Variants in RFTN1 observed in about 807,000 individuals in gnomAD.
RFTN1 encodes raftlin.
In RFTN1, 26 loss-of-function variants were observed where a neutral mutation model predicts 46.5. The observed-to-expected ratio is 0.56, with a 90% CI of 0.41 to 0.78. The LOEUF (loss-of-function observed/expected upper bound fraction) is 0.78. Ranked by LOEUF, RFTN1 falls within the 30% of genes least tolerant of loss-of-function variation. The pLI is 0.00. For synonymous variants in RFTN1, 261 were observed against 284.2 expected (o/e 0.92, Z 0.82); for missense variants, 693 against 718.7 (o/e 0.96, Z 0.41).
chr3:16,444,415 T>C (rs2075690752), intron 2 of RFTN1, among the ~76,000 whole-genome samples: 1 of 152,256 alleles, frequency 6.6e-6, no homozygotes, highest in Non-Finnish European at 1.5e-5. Context: ...ATGGGTTTTT[T>C]CCAGGCGCTC....
chr3:16,331,004 T>G (rs2070251916), intron 7 of RFTN1, among the ~76,000 whole-genome samples: 1 of 152,214 alleles, frequency 6.6e-6, no homozygotes, highest in African/African-American at 2.4e-5. Context: ...AAAGAAAATA[T>G]TTTGCTCTTT....
chr3:16,485,436 A>G (rs2076433477), intron 2 of RFTN1, among the ~76,000 whole-genome samples: 1 of 152,264 alleles, frequency 6.6e-6, no homozygotes. Context: ...CAAGGACTCC[A>G]TACATACAAC....
rs536774994 is a variant in RFTN1 at position 16,322,992 on chromosome 3, A to G, written c.1332+384T>C. On this transcript the variant is annotated intron_variant, in intron 9 of 9. Transcript: ENST00000334133. This position sits in a 1 kb window ranked among gnomAD's most constrained non-coding sequence, Gnocchi z 6.2. ...CTTAACAGGGCAGGCCAGAGCTCCA[A>G]CTAGCTGATAATGAGATTAAGACAC... Among the ~76,000 whole-genome samples, 1 of 152,310 alleles carries G rather than the reference A, an allele frequency of 6.6e-6. No individual in the cohort carries two copies. Among genetic ancestry groups the G allele is most frequent in the Admixed American group, 6.5e-5 (1 of 15,304 alleles).
rs1385424570 is a variant in RFTN1 at position 16,407,483 on chromosome 3, TGCCCA to T, written c.441+1887_441+1891del. Among the ~76,000 whole-genome samples the T allele has an allele frequency of 6.6e-6, 1 of 152,154 alleles. No homozygotes were observed. The highest frequency in any genetic ancestry group is 1.5e-5 in the Non-Finnish European group (1 of 68,030). ...GTTGGGATTACCAGCTGAGCCACTG[TGCCCA>T]GCCTCAAATCACATGTTTTTAAAAA... On this transcript the variant is annotated intron_variant, in intron 4 of 9. Transcript: ENST00000334133. The surrounding 1 kb of genome is among the most constrained non-coding windows in gnomAD (Gnocchi z 4.0).
intron 6 of RFTN1, among the ~76,000 whole-genome samples, chr3:16,360,174 CT>C (rs201914116): frequency 1.2e-3 from 182 of 145,808 alleles, no homozygotes; most frequent in Middle Eastern, 3.6e-3. Context: ...ATTGCAGTTT[CT>C]TTTTTTTTTT....
rs963623709 is a variant in RFTN1 at position 16,387,723 on chromosome 3, C to A, written c.442-9621G>T. Among the ~76,000 whole-genome samples the A allele has an allele frequency of 6.6e-6, 1 of 152,076 alleles. No individual in the cohort carries two copies. The highest frequency in any genetic ancestry group is 1.5e-5 in the Non-Finnish European group (1 of 68,010). On this transcript the variant is annotated intron_variant, in intron 4 of 9. Transcript: ENST00000334133. The surrounding 1 kb of genome is among the most constrained non-coding windows in gnomAD (Gnocchi z 5.2). ...GAAGTAAGCAAGCCTCGTCCACCCA[C>A]CCGCCTCACCGACTCCACCTCCACT...
At chr3:16,324,949 C>T (rs1178101222) in intron 8 of RFTN1, among the ~76,000 whole-genome samples, 1 of 152,022 alleles carries the variant, frequency 6.6e-6, no homozygotes, top group African/African-American at 2.4e-5. Flanking sequence ...CAAGAGTGTA[C>T]AAGGGTTCTC....
intron 4 of RFTN1, among the ~76,000 whole-genome samples, chr3:16,397,085 A>AAG (rs1294423407): frequency 6.7e-6 from 1 of 149,896 alleles, no homozygotes; most frequent in African/African-American, 2.5e-5. Flanking sequence ...AAAAAAAAAA[A>AAG]AGAGAGAGAG....
rs1371292971 is a variant in RFTN1, at chr3:16,468,292, C to A, written c.145+25433G>T. ...AAACTTATCTGTAGGAGTTCCCAAA[C>A]CCTCACTGTCGTTCGTTTTTGAAGT... On this transcript the variant is annotated intron_variant, in intron 2 of 9. Transcript: ENST00000334133. This position sits in a 1 kb window ranked among gnomAD's most constrained non-coding sequence, Gnocchi z 4.4. 2.6e-5 allele frequency among the ~76,000 whole-genome samples: 4 copies of A among 152,170 alleles called. No homozygotes were observed. Among genetic ancestry groups the A allele is most frequent in the Admixed American group, 6.5e-5 (1 of 15,276 alleles).
At position 16,424,288 on chromosome 3, in the gene RFTN1, A is replaced by G. The variant is rs916841305; in HGVS notation, c.332+9563T>C. ...ATTACCCACTCCAAACTTCGGACTGAGAAGTCGTTAATGACTTCTTCAGCC... is the reference window on the plus strand; with the variant it reads ...ATTACCCACTCCAAACTTCGGACTGGGAAGTCGTTAATGACTTCTTCAGCC... On this transcript the variant is annotated intron_variant, in intron 3 of 9. Transcript: ENST00000334133. This position sits in a 1 kb window ranked among gnomAD's most constrained non-coding sequence, Gnocchi z 4.7. Among the ~76,000 whole-genome samples, 1 of 152,232 alleles carries G rather than the reference A, an allele frequency of 6.6e-6. No individual in the cohort carries two copies. The highest frequency in any genetic ancestry group is 1.5e-5 in the Non-Finnish European group (1 of 68,036).
rs1242196778 is a variant in RFTN1, at chr3:16,402,350, GCTCA to G, written c.441+7021_441+7024del. Reference sequence around the variant, plus strand: ...CCTGCAAGGCCTGCGCCAGCCGCCAGCTCACTGTCTTCCACTCTGAAGACACACT... The same window carrying G: ...CCTGCAAGGCCTGCGCCAGCCGCCAGCTGTCTTCCACTCTGAAGACACACT... On this transcript the variant is annotated intron_variant, in intron 4 of 9. Coordinates refer to ENST00000334133, the MANE Select transcript of RFTN1 (RefSeq NM_015150.2). This position sits in a 1 kb window ranked among gnomAD's most constrained non-coding sequence, Gnocchi z 4.5. 1.3e-4 allele frequency among the ~76,000 whole-genome samples: 20 copies of G among 152,182 alleles called. No individual in the cohort carries two copies. The highest frequency in any genetic ancestry group is 1.2e-3 in the Admixed American group (18 of 15,290).
chr3:16,346,918 T>C lies in RFTN1; in HGVS notation c.1146+11014A>G, dbSNP rs1456824978. Among the ~76,000 whole-genome samples, 1 of 152,186 alleles carries C rather than the reference T, an allele frequency of 6.6e-6. No homozygotes were observed. ...TTTAAGCTGTTGACAAAGCTGACTC[T>C]GCAACCTCCCCACCTTGCTCTAGAC... On this transcript the variant is annotated intron_variant, in intron 7 of 9. Transcript: ENST00000334133. This position sits in a 1 kb window ranked among gnomAD's most constrained non-coding sequence, Gnocchi z 4.4.
rs374223955 is a variant in RFTN1, at chr3:16,370,101, T to C, written c.1005A>G (p.Ala335=). The change falls in exon 6 of 10, where the codon GCA becomes GCG. Residue 335 remains alanine, a synonymous_variant. Transcript: ENST00000334133. This position sits in a 1 kb window ranked among gnomAD's most constrained non-coding sequence, Gnocchi z 5.5. The part of the protein sequence containing the change: ...HFRKGGMLVN[A]VFYLGIVNDS... The stretch of plus-strand genomic sequence containing the variant: ...CATTCACTATTCCAAGGTAGAAGAC[T>C]GCGTTCACCAGCATGCCTCCTTTCC... 1.2e-6 allele frequency: 2 copies of C among 1,614,104 alleles called. No individual in the cohort carries two copies. Among genetic ancestry groups the C allele is most frequent in the African/African-American group, 1.3e-5 (1 of 74,932 alleles).
Position 16,381,228 on chromosome 3 carries a change from A to T in RFTN1, c.442-3126T>A, listed in dbSNP as rs779618166. ...AAACAGTCACCAAAATGAAAACAGCACTGTATTTGGGGAGTGGGGCTATAA... is the reference window on the plus strand; with the variant it reads ...AAACAGTCACCAAAATGAAAACAGCTCTGTATTTGGGGAGTGGGGCTATAA... On this transcript the variant is annotated intron_variant, in intron 4 of 9. Transcript: ENST00000334133. The surrounding 1 kb of genome is among the most constrained non-coding windows in gnomAD (Gnocchi z 4.2). Among the ~76,000 whole-genome samples, 76 of 152,194 alleles carry T rather than the reference A, an allele frequency of 5.0e-4. 1 individual carries two copies. Among genetic ancestry groups the T allele is most frequent in the Non-Finnish European group, 1.5e-4 (10 of 68,026 alleles).
At chr3:16,412,311 G>A (rs998976436) in intron 3 of RFTN1, among the ~76,000 whole-genome samples, 2 of 152,192 alleles carry the variant, frequency 1.3e-5, no homozygotes, top group African/African-American at 4.8e-5. Flanking sequence ...GAGGAAGGGG[G>A]AAAAATCCCT....
At chr3:16,386,094 C>A (rs2074162362) in intron 4 of RFTN1, among the ~76,000 whole-genome samples, 1 of 152,198 alleles carries the variant, frequency 6.6e-6, no homozygotes, top group Admixed American at 6.5e-5. Flanking sequence ...AGAATGCATG[C>A]CAGCCTTCCC....
Position 16,480,945 on chromosome 3 carries a change from G to A in RFTN1, c.145+12780C>T, listed in dbSNP as rs1360552449. ...CATTTTACTGAAGGCAGGCTTAGTTGCTGAAATTTACTGCTTGGGTTACAC... is the reference window on the plus strand; with the variant it reads ...CATTTTACTGAAGGCAGGCTTAGTTACTGAAATTTACTGCTTGGGTTACAC... On this transcript the variant is annotated intron_variant, in intron 2 of 9. Coordinates refer to ENST00000334133, the MANE Select transcript of RFTN1 (RefSeq NM_015150.2). The surrounding 1 kb of genome is among the most constrained non-coding windows in gnomAD (Gnocchi z 4.3). Among the ~76,000 whole-genome samples, 1 of 151,538 alleles carries A rather than the reference G, an allele frequency of 6.6e-6. No individual in the cohort carries two copies. The highest frequency in any genetic ancestry group is 1.5e-5 in the Non-Finnish European group (1 of 67,942).
intron 2 of RFTN1, among the ~76,000 whole-genome samples, chr3:16,444,495 G>C (rs1202789495): frequency 6.6e-6 from 1 of 152,204 alleles, no homozygotes; most frequent in East Asian, 1.9e-4. Flanking sequence ...CCCAGTCTGA[G>C]CAAGTGTGAG....
intron 5 of RFTN1, among the ~76,000 whole-genome samples, chr3:16,373,278 T>C (rs1423831606): frequency 6.6e-6 from 1 of 152,220 alleles, no homozygotes; most frequent in Non-Finnish European, 1.5e-5. Context: ...ATTTGGACTG[T>C]CTTCTCATCT....
Sources: allele counts gnomAD v4.1 joint callset (sites outside exome capture counted in the v4.1 genomes callset), GRCh38; gene constraint gnomAD v4.1.1; non-coding constraint Gnocchi (gnomAD v3.1); transcripts MANE v1.5; gene names NCBI Gene and HGNC (gene_info 2026-07-23, HGNC 2026-07-21).